Variants in CSMD1 observed in about 807,000 individuals in gnomAD.
CSMD1 encodes CUB and sushi domain-containing protein 1.
CSMD1 carries 213 observed loss-of-function variants against 417.5 expected under a neutral mutation model. That is an observed-to-expected ratio of 0.51 (90% CI 0.46 to 0.57). The LOEUF (loss-of-function observed/expected upper bound fraction) is 0.57. CSMD1 is among the 20% of genes least tolerant of loss of function. The pLI is 0.00. For missense variants in CSMD1, 6,923 were observed against 4,529.7 expected (o/e 1.53, Z -15.17); for synonymous variants, 2,862 against 1,736.8 (o/e 1.65, Z -16.11).
chr8:4,990,866 C>T (rs1312043196), intron 1 of CSMD1, among the ~76,000 whole-genome samples: 2 of 152,022 alleles, frequency 1.3e-5, no homozygotes, highest in Non-Finnish European at 2.9e-5. Context: ...TATGGGAGGG[C>T]GCACCTCTCT....
intron 3 of CSMD1, among the ~76,000 whole-genome samples, chr8:4,263,439 G>C (rs1046660991): frequency 1.3e-5 from 2 of 152,144 alleles, no homozygotes; most frequent in African/African-American, 2.4e-5. Context: ...GTATGGGACT[G>C]CTTTTAGATT....
At position 3,982,399 on chromosome 8, in the gene CSMD1, T is replaced by A. The variant is rs142283521; in HGVS notation, c.818+15504A>T. The stretch of plus-strand genomic sequence containing the variant: ...CTCCATGGTTGTTAGGAAAATTAAA[T>A]GAGCTAATATATGGAAAGCACAATA... On this transcript the variant is annotated intron_variant, in intron 5 of 69. Coordinates refer to ENST00000635120, the MANE Select transcript of CSMD1 (RefSeq NM_033225.6). Among the ~76,000 whole-genome samples the A allele has an allele frequency of 2.9e-3, 434 of 151,786 alleles. 3 individuals are homozygous for A. Among genetic ancestry groups the A allele is most frequent in the African/African-American group, 0.01 (417 of 41,438 alleles).
At chr8:4,280,770 C>G (rs1388298795) in intron 3 of CSMD1, among the ~76,000 whole-genome samples, 3 of 152,038 alleles carry the variant, frequency 2.0e-5, no homozygotes, top group African/African-American at 7.2e-5. Context: ...AAACATGTTA[C>G]TATATATAAA....
chr8:4,105,094 G>A (rs751244730), intron 3 of CSMD1, among the ~76,000 whole-genome samples: 6 of 152,086 alleles, frequency 3.9e-5, no homozygotes, highest in Non-Finnish European at 7.4e-5. Context: ...AGCAAGGGAG[G>A]GTTTTAATGT....
intron 3 of CSMD1, among the ~76,000 whole-genome samples, chr8:4,130,231 T>C (rs1406150724): frequency 6.6e-6 from 1 of 152,148 alleles, no homozygotes; most frequent in Admixed American, 6.5e-5. Context: ...CTTGTCAGTC[T>C]AGTATGTAAG....
At chr8:3,501,230 G>C (rs1268522255) in intron 10 of CSMD1, among the ~76,000 whole-genome samples, 1 of 152,056 alleles carries the variant, frequency 6.6e-6, no homozygotes, top group East Asian at 1.9e-4. Context: ...CTCTGTGCAT[G>C]TGCATACACA....
chr8:4,554,965 G>C (rs750034005), intron 2 of CSMD1, among the ~76,000 whole-genome samples: 36 of 152,178 alleles, frequency 2.4e-4, no homozygotes, highest in South Asian at 4.1e-4. Context: ...AAGCCTGCTG[G>C]AGGGGCCACC....
chr8:4,495,868 A>C (rs1801954163), intron 2 of CSMD1, among the ~76,000 whole-genome samples: 1 of 152,128 alleles, frequency 6.6e-6, no homozygotes. Flanking sequence ...GATTTCATTT[A>C]ATTTTTCTGT....
At chr8:3,330,924 T>G (rs1483266035) in intron 23 of CSMD1, among the ~76,000 whole-genome samples, 1 of 152,168 alleles carries the variant, frequency 6.6e-6, no homozygotes, top group Non-Finnish European at 1.5e-5. Flanking sequence ...GTATGAGAGA[T>G]GACATCTTAA....
rs1801639577 is a variant in CSMD1 at position 4,107,703 on chromosome 8, C to T, written c.416-75604G>A. ...TCCAACATGACAGGGAACCGGGCAG[C>T]GCACACGCTCCATCAGATGCTGTGA... On this transcript the variant is annotated intron_variant, in intron 3 of 69. Coordinates refer to ENST00000635120, the MANE Select transcript of CSMD1 (RefSeq NM_033225.6). 2.0e-5 allele frequency among the ~76,000 whole-genome samples: 3 copies of T among 152,064 alleles called. No individual in the cohort carries two copies. In the South Asian group the frequency reaches 6.2e-4, roughly 32 times the overall value.
At chr8:3,598,888 C>G (rs564361409) in intron 8 of CSMD1, among the ~76,000 whole-genome samples, 46 of 152,198 alleles carry the variant, frequency 3.0e-4, no homozygotes, top group African/African-American at 1.0e-3. Context: ...TGAGACCAGT[C>G]TGACCAACAT....
intron 1 of CSMD1, among the ~76,000 whole-genome samples, chr8:4,837,345 C>G (rs1290509566): frequency 6.6e-6 from 1 of 152,066 alleles, no homozygotes; most frequent in Non-Finnish European, 1.5e-5. Context: ...TGGAAGCAAC[C>G]TAAGTGTCCA....
chr8:4,459,745 G>T (rs1311598893), intron 2 of CSMD1, among the ~76,000 whole-genome samples: 1 of 152,180 alleles, frequency 6.6e-6, no homozygotes, highest in African/African-American at 2.4e-5. Flanking sequence ...AAATTTATTA[G>T]TGATTCAGCC....
chr8:4,466,209 T>G (rs73660873), intron 2 of CSMD1, among the ~76,000 whole-genome samples: 1 of 152,070 alleles, frequency 6.6e-6, no homozygotes, highest in South Asian at 2.1e-4. Flanking sequence ...GCTTTTATAA[T>G]AGTGAGACAG....
intron 50 of CSMD1, among the ~76,000 whole-genome samples, chr8:3,039,048 T>C (rs1810891661): frequency 6.6e-6 from 1 of 152,204 alleles, no homozygotes; most frequent in South Asian, 2.1e-4. Context: ...AGAAGAGATC[T>C]AGACAGAAAG....
At chr8:3,308,543 G>C (rs766263921) in intron 23 of CSMD1, 40 bp from the exon 24 acceptor site, 68 of 1,525,574 alleles carry the variant, frequency 4.5e-5, no homozygotes, top group Non-Finnish European at 1.1e-5. Flanking sequence ...GAACTCAAGG[G>C]TGGACATCTG....
At chr8:3,201,107 T>G (rs1796968518) in intron 32 of CSMD1, among the ~76,000 whole-genome samples, 1 of 152,168 alleles carries the variant, frequency 6.6e-6, no homozygotes, top group Non-Finnish European at 1.5e-5. Context: ...AAAAATAAGT[T>G]GTGAAATAAC....
At chr8:3,642,470 T>C (rs1474887206) in intron 7 of CSMD1, among the ~76,000 whole-genome samples, 1 of 152,152 alleles carries the variant, frequency 6.6e-6, no homozygotes, top group Non-Finnish European at 1.5e-5. Flanking sequence ...TATTCCCAAG[T>C]AGTGACCCAA....
chr8:3,828,894 A>G (rs1235544041), intron 5 of CSMD1, among the ~76,000 whole-genome samples: 1 of 152,082 alleles, frequency 6.6e-6, no homozygotes, highest in Non-Finnish European at 1.5e-5. Flanking sequence ...CCCCATGTTC[A>G]CTGTAGTGGC....
Sources: gnomAD v4.1 joint callset for allele counts (sites outside exome capture counted in the v4.1 genomes callset) on GRCh38, gnomAD v4.1.1 for gene constraint, MANE v1.5 for transcripts, NCBI Gene and HGNC (gene_info 2026-07-23, HGNC 2026-07-21) for gene names.